MACROD2: variants seen among roughly 807,000 people sequenced by gnomAD.
The protein encoded by MACROD2 is ADP-ribose glycohydrolase MACROD2.
A neutral mutation model predicts 70.4 loss-of-function variants in MACROD2; 36 were observed. The observed-to-expected ratio is 0.51, with a 90% CI of 0.39 to 0.68. MACROD2 has a LOEUF of 0.68. Among genes scored for constraint, MACROD2 ranks in the 30% least tolerant of loss-of-function variants. MACROD2 has a pLI of 0.00. For missense variants in MACROD2, 496 were observed against 538.4 expected, an observed-to-expected ratio of 0.92 and a Z score of 0.78; for synonymous variants, 172 against 178.8, an observed-to-expected ratio of 0.96 and a Z score of 0.30.
At chr20:14,444,687 A>G (rs2084164078) in intron 3 of MACROD2, among the ~76,000 whole-genome samples, 1 of 152,046 alleles carries the variant, frequency 6.6e-6, no homozygotes, top group Admixed American at 6.6e-5. Context: ...TCACTTGAAT[A>G]TCCAACTCCA....
At chr20:15,273,798 T>C (rs1175712951) in intron 6 of MACROD2, among the ~76,000 whole-genome samples, 2 of 152,206 alleles carry the variant, frequency 1.3e-5, no homozygotes, top group Non-Finnish European at 2.9e-5. Context: ...ACAAAAAGTA[T>C]GCTCCAATTC....
At chr20:15,144,784 C>T (rs1568599620) in intron 5 of MACROD2, among the ~76,000 whole-genome samples, 1 of 152,166 alleles carries the variant, frequency 6.6e-6, no homozygotes, top group South Asian at 2.1e-4. Context: ...ATGGACACCC[C>T]TGGAATCTGC....
At chr20:15,682,960 G>A (rs2050179845) in intron 8 of MACROD2, among the ~76,000 whole-genome samples, 1 of 152,076 alleles carries the variant, frequency 6.6e-6, no homozygotes, top group South Asian at 2.1e-4. Flanking sequence ...TGCTCTGGTA[G>A]CAATTTATTA....
chr20:14,723,032 A>T (rs967344217), intron 5 of MACROD2, among the ~76,000 whole-genome samples: 4 of 152,200 alleles, frequency 2.6e-5, no homozygotes, highest in Middle Eastern at 3.2e-3. Context: ...TTAAATCTGT[A>T]ACCCAAACAC....
At chr20:15,746,372 TC>T (rs1476281336) in intron 8 of MACROD2, among the ~76,000 whole-genome samples, 1 of 152,014 alleles carries the variant, frequency 6.6e-6, no homozygotes, top group African/African-American at 2.4e-5. Flanking sequence ...TGGTAAACTT[TC>T]TTATCAATTT....
At chr20:15,458,016 C>T (rs989278018) in intron 7 of MACROD2, among the ~76,000 whole-genome samples, 1 of 150,630 alleles carries the variant, frequency 6.6e-6, no homozygotes, top group Non-Finnish European at 1.5e-5. Context: ...TCATAAGGAA[C>T]CCTTCCATAG....
At chr20:14,819,638 G>A (rs537275942) in intron 5 of MACROD2, among the ~76,000 whole-genome samples, 3 of 152,130 alleles carry the variant, frequency 2.0e-5, no homozygotes, top group Non-Finnish European at 2.9e-5. Flanking sequence ...AAGAGAGCCC[G>A]AAGCCAGAAG....
chr20:14,258,226 A>G (rs896451846), intron 3 of MACROD2, among the ~76,000 whole-genome samples: 2 of 151,972 alleles, frequency 1.3e-5, no homozygotes, highest in African/African-American at 4.8e-5. Context: ...TCATATAATG[A>G]CTTCTTTTCC....
At chr20:15,452,965 A>C (rs768069082) in intron 7 of MACROD2, among the ~76,000 whole-genome samples, 4 of 152,170 alleles carry the variant, frequency 2.6e-5, no homozygotes, top group Non-Finnish European at 4.4e-5. Flanking sequence ...AGGACTAGAG[A>C]TTTTGTCAAT....
chr20:15,579,583 T>C (rs2048497004), intron 8 of MACROD2, among the ~76,000 whole-genome samples: 1 of 152,232 alleles, frequency 6.6e-6, no homozygotes, highest in Non-Finnish European at 1.5e-5. Context: ...TGGAATTTCC[T>C]TTGTGGAAAA....
At chr20:15,172,526 A>G (rs996211546) in intron 5 of MACROD2, among the ~76,000 whole-genome samples, 3 of 151,738 alleles carry the variant, frequency 2.0e-5, no homozygotes, top group African/African-American at 7.3e-5. Context: ...GGCTGGGACT[A>G]TTGGCGCCTG....
At chr20:14,596,306 G>A (rs1982136717) in intron 4 of MACROD2, among the ~76,000 whole-genome samples, 1 of 151,216 alleles carries the variant, frequency 6.6e-6, no homozygotes, top group African/African-American at 2.4e-5. Context: ...TAGCCAGGAT[G>A]GCCTCAATCT....
chr20:14,411,761 G>A (rs1185428897), intron 3 of MACROD2, among the ~76,000 whole-genome samples: 1 of 151,968 alleles, frequency 6.6e-6, no homozygotes, highest in Admixed American at 6.6e-5. Context: ...GCACCTCCCT[G>A]TGTGTCTGCA....
intron 8 of MACROD2, among the ~76,000 whole-genome samples, chr20:15,752,929 T>TG (rs2051293906): frequency 6.6e-6 from 1 of 152,072 alleles, no homozygotes; most frequent in South Asian, 2.1e-4. Flanking sequence ...TGAATTAGAA[T>TG]GGGAGAGGGA....
chr20:14,923,939 A>G (rs1343387549), intron 5 of MACROD2, among the ~76,000 whole-genome samples: 1 of 152,172 alleles, frequency 6.6e-6, no homozygotes, highest in Non-Finnish European at 1.5e-5. Flanking sequence ...GGTGGTCATT[A>G]AAAAGTTAAT....
intron 5 of MACROD2, among the ~76,000 whole-genome samples, chr20:15,127,901 C>A (rs980582542): frequency 6.6e-6 from 1 of 152,088 alleles, no homozygotes; most frequent in African/African-American, 2.4e-5. Flanking sequence ...ACCCACCAAC[C>A]TCCCTCTACT....
chr20:15,660,908 T>G (rs2049812589), intron 8 of MACROD2, among the ~76,000 whole-genome samples: 1 of 152,226 alleles, frequency 6.6e-6, no homozygotes, highest in South Asian at 2.1e-4. Flanking sequence ...GTACTGAAGC[T>G]TTTAGAAAAG....
intron 8 of MACROD2, among the ~76,000 whole-genome samples, chr20:15,526,248 T>A (rs942841818): frequency 6.6e-6 from 1 of 152,156 alleles, no homozygotes; most frequent in Non-Finnish European, 1.5e-5. Flanking sequence ...ATTCCCTTGC[T>A]GTAAGTTAGA....
intron 3 of MACROD2, among the ~76,000 whole-genome samples, chr20:14,166,558 T>C (rs1467501132): frequency 6.6e-6 from 1 of 152,192 alleles, no homozygotes; most frequent in Non-Finnish European, 1.5e-5. Context: ...CCAATTCTAA[T>C]ATCATCAAAT....
Sources: gnomAD v4.1 joint callset for allele counts (sites outside exome capture counted in the v4.1 genomes callset) on GRCh38, gnomAD v4.1.1 for gene constraint, MANE v1.5 for transcripts, NCBI Gene and HGNC (gene_info 2026-07-23, HGNC 2026-07-21) for gene names.